Variants in ITSN1 observed in about 807,000 individuals in gnomAD.
The protein encoded by ITSN1 is intersectin-1.
Under a neutral mutation model 239.8 loss-of-function variants are expected in ITSN1, and 58 were observed. The ratio of observed to expected loss-of-function variants is 0.24; its 90% CI spans 0.20 to 0.30. ITSN1 has a LOEUF of 0.30. Ranked by LOEUF, ITSN1 falls within the 10% of genes least tolerant of loss-of-function variation. The pLI is 1.00. For missense variants in ITSN1, 1,558 were observed against 2,103.3 expected (o/e 0.74, Z 5.07); for synonymous variants, 780 against 770.8 (o/e 1.01, Z -0.20).
chr21:33,671,675 G>A (rs1385434637), intron 1 of ITSN1, among the ~76,000 whole-genome samples: 7 of 151,718 alleles, frequency 4.6e-5, no homozygotes, highest in Non-Finnish European at 8.8e-5. Flanking sequence ...GGTGGCGCAC[G>A]CCTGTAATCC....
intron 1 of ITSN1, among the ~76,000 whole-genome samples, chr21:33,668,388 C>T (rs1004431222): frequency 1.3e-5 from 2 of 152,216 alleles, no homozygotes; most frequent in Non-Finnish European, 1.5e-5. Flanking sequence ...GGCTCTCTGC[C>T]ATGAGGAGTA....
intron 5 of ITSN1, among the ~76,000 whole-genome samples, chr21:33,736,557 G>T (rs143968749): frequency 6.6e-6 from 1 of 152,230 alleles, no homozygotes; most frequent in African/African-American, 2.4e-5. Flanking sequence ...GACTGGGGCC[G>T]TTGTTTGTCT....
intron 38 of ITSN1, 80 bp from the exon 39 acceptor site, chr21:33,886,207 A>T: frequency 8.3e-7 from 1 of 1,205,088 alleles, no homozygotes; most frequent in Non-Finnish European, 1.2e-6. Context: ...GCAAGAATCC[A>T]TCTAAAAAAA....
intron 1 of ITSN1, among the ~76,000 whole-genome samples, chr21:33,706,798 C>T (rs2092265196): frequency 6.6e-6 from 1 of 152,166 alleles, no homozygotes; most frequent in Non-Finnish European, 1.5e-5. Flanking sequence ...TCTTGGCTCA[C>T]TGCAACCTCT....
intron 1 of ITSN1, among the ~76,000 whole-genome samples, chr21:33,686,930 C>T (rs1374620878): frequency 6.6e-6 from 1 of 152,144 alleles, no homozygotes; most frequent in Non-Finnish European, 1.5e-5. Flanking sequence ...TTTTGTTTGT[C>T]AGTGGCCAAT....
rs536177607 is a variant in ITSN1 at position 33,871,140 on chromosome 21, A to AC, written c.4173+3810dup. Among the ~76,000 whole-genome samples the AC allele has an allele frequency of 2.0e-3, 308 of 151,606 alleles. 1 individual carries two copies. Among genetic ancestry groups the AC allele is most frequent in the African/African-American group, 7.3e-3 (301 of 41,326 alleles). The stretch of plus-strand genomic sequence containing the variant: ...AGTGGGACTCTGTCTCAAAAAAAAA[A>AC]CAAAAAACAAAAACCCAAATTTTAT... On this transcript the variant is annotated intron_variant, in intron 33 of 39. Coordinates refer to ENST00000381318, the MANE Select transcript of ITSN1 (RefSeq NM_003024.3).
At chr21:33,766,939 G>A (rs1001698312) in intron 10 of ITSN1, among the ~76,000 whole-genome samples, 6 of 152,100 alleles carry the variant, frequency 3.9e-5, no homozygotes, top group African/African-American at 1.2e-4. Flanking sequence ...AGGCCGAGGC[G>A]GGTGGATCAC....
At position 33,762,870 on chromosome 21, in the gene ITSN1, G is replaced by C. The variant is rs575365375; in HGVS notation, c.788+884G>C. On this transcript the variant is annotated intron_variant, in intron 9 of 39. Coordinates refer to ENST00000381318, the MANE Select transcript of ITSN1 (RefSeq NM_003024.3). The stretch of plus-strand genomic sequence containing the variant: ...GTAGAGACAGGGTGTTGCCATGTTG[G>C]CCAGGCTGGTCTCGAGCTCCTGACC... 2.8e-4 allele frequency among the ~76,000 whole-genome samples: 42 copies of C among 151,990 alleles called. No homozygotes were observed. In the South Asian group the frequency reaches 8.7e-3, roughly 32 times the overall value.
intron 26 of ITSN1, 199 bp from the exon 27 acceptor site, chr21:33,829,425 C>G: frequency 4.9e-6 from 3 of 606,920 alleles, no homozygotes; most frequent in Non-Finnish European, 5.9e-6. Flanking sequence ...CAAGGATCAG[C>G]CAGGCCCTTG....
chr21:33,690,426 C>T (rs979937744), intron 1 of ITSN1, among the ~76,000 whole-genome samples: 14 of 151,132 alleles, frequency 9.3e-5, no homozygotes, highest in Non-Finnish European at 1.8e-4. Context: ...GGTGAAACCC[C>T]GTCTCTACTA....
intron 6 of ITSN1, among the ~76,000 whole-genome samples, chr21:33,750,883 A>G (rs1243147517): frequency 6.6e-6 from 1 of 152,236 alleles, no homozygotes; most frequent in African/African-American, 2.4e-5. Flanking sequence ...AAAGTATAAA[A>G]CTGTAGATGT....
intron 1 of ITSN1, among the ~76,000 whole-genome samples, chr21:33,689,709 T>G (rs2091416669): frequency 6.6e-6 from 1 of 152,146 alleles, no homozygotes. Context: ...GGCTCATGCC[T>G]GTAATGCTAG....
chr21:33,694,736 T>C (rs533292039), intron 1 of ITSN1, among the ~76,000 whole-genome samples: 11 of 152,294 alleles, frequency 7.2e-5, no homozygotes, highest in Non-Finnish European at 1.6e-4. Context: ...GGAGAATTAC[T>C]TGAACCTGGG....
At chr21:33,721,153 T>G (rs1408348356) in intron 2 of ITSN1, 25 bp from the exon 3 acceptor site, 1 of 1,521,794 alleles carries the variant, frequency 6.6e-7, no homozygotes, top group Non-Finnish European at 9.1e-7. Flanking sequence ...CTGAATAATT[T>G]GTTTGTCTTT....
chr21:33,774,566 A>G, intron 12 of ITSN1, 163 bp from the exon 13 acceptor site: 1 of 611,114 alleles, frequency 1.6e-6, no homozygotes, highest in Non-Finnish European at 2.9e-6. Context: ...CCATAGAAGG[A>G]ATACTGTATT....
intron 29 of ITSN1, among the ~76,000 whole-genome samples, chr21:33,855,953 C>T (rs988137635): frequency 1.3e-5 from 2 of 152,224 alleles, no homozygotes; most frequent in East Asian, 1.9e-4. Flanking sequence ...AAACCAACCT[C>T]GACATGGATA....
chr21:33,802,616 C>T (rs1363336231), intron 20 of ITSN1, among the ~76,000 whole-genome samples, 172 bp downstream of exon 20: 1 of 152,060 alleles, frequency 6.6e-6, no homozygotes, highest in African/African-American at 2.4e-5. Flanking sequence ...AGTCGTAAGT[C>T]TTCTCAGTTT....
rs143998140 is a variant in ITSN1 at position 33,782,010 on chromosome 21, A to G, written c.1701A>G (p.Thr567=). ...CTAAAATAGGAGATTCACTTGTTAC[A>G]CTTAAAAGAGCCTTAGAAGCAAAAG... The part of the protein sequence containing the change: ...QNSLHRDSLV[T]LKRALEAKEL... Residue 567 remains threonine (T), a synonymous_variant, in exon 16 of 40, where the codon ACA becomes ACG. Coordinates refer to ENST00000381318, the MANE Select transcript of ITSN1 (RefSeq NM_003024.3). The G allele has an allele frequency of 1.0e-4, 168 of 1,605,022 alleles. No individual in the cohort carries two copies. The African/African-American group carries it at 1.6e-3, about 15-fold the overall frequency.
chr21:33,817,396 CAT>C (rs2073357931), intron 22 of ITSN1: 48 of 1,304,462 alleles, frequency 3.7e-5, no homozygotes, highest in Non-Finnish European at 4.9e-5. Context: ...AAGTCCTTCT[CAT>C]CCTTCAAGGC....
Sources: allele counts gnomAD v4.1 joint callset (sites outside exome capture counted in the v4.1 genomes callset), GRCh38; gene constraint gnomAD v4.1.1; transcripts MANE v1.5; gene names NCBI Gene and HGNC (gene_info 2026-07-23, HGNC 2026-07-21).